Variants in CSMD1 observed in about 807,000 individuals in gnomAD.
CSMD1 encodes the protein CUB and Sushi multiple domains 1.
A neutral mutation model predicts 417.5 loss-of-function variants in CSMD1; 213 were observed. That is an observed-to-expected ratio of 0.51 (90% CI 0.46 to 0.57). The LOEUF (loss-of-function observed/expected upper bound fraction) is 0.57. Among genes scored for constraint, CSMD1 ranks in the 20% least tolerant of loss-of-function variants. The probability of loss-of-function intolerance (pLI) is 0.00; values close to 1 mark genes in which losing one functional copy is unlikely to be tolerated. For missense variants in CSMD1, 6,923 were observed against 4,529.7 expected, an observed-to-expected ratio of 1.53 and a Z score of -15.17; for synonymous variants, 2,862 against 1,736.8, an observed-to-expected ratio of 1.65 and a Z score of -16.11.
intron 6 of CSMD1, among the ~76,000 whole-genome samples, chr8:3,750,706 G>C (rs1797296119): frequency 6.6e-6 from 1 of 152,112 alleles, no homozygotes; most frequent in South Asian, 2.1e-4. Flanking sequence ...GAACAAACTT[G>C]ATGATCTTAC....
At chr8:4,638,687 T>TTATG (rs1563358494) in intron 1 of CSMD1, among the ~76,000 whole-genome samples, 3 of 152,166 alleles carry the variant, frequency 2.0e-5, no homozygotes, top group Non-Finnish European at 4.4e-5. Flanking sequence ...CAGCAGGACA[T>TTATG]CTCACGTTTT....
intron 29 of CSMD1, among the ~76,000 whole-genome samples, chr8:3,218,576 A>AAAAAAAT (rs1315452559): frequency 2.0e-5 from 3 of 150,788 alleles, no homozygotes; most frequent in Admixed American, 6.6e-5. Context: ...TAAAAAAAAA[A>AAAAAAAT]AGAAATTATT....
At chr8:4,976,797 C>A (rs1469095719) in intron 1 of CSMD1, among the ~76,000 whole-genome samples, 1 of 152,134 alleles carries the variant, frequency 6.6e-6, no homozygotes, top group African/African-American at 2.4e-5. Flanking sequence ...CACATCACTT[C>A]CTCTCACTGA....
intron 40 of CSMD1, among the ~76,000 whole-genome samples, chr8:3,147,257 T>C (rs2129033891): frequency 6.6e-6 from 1 of 152,356 alleles, no homozygotes; most frequent in South Asian, 2.1e-4. Context: ...TGATTTGTCA[T>C]GCTGTTTGTT....
intron 3 of CSMD1, among the ~76,000 whole-genome samples, chr8:4,173,642 T>C (rs1003294855): frequency 1.3e-5 from 2 of 152,144 alleles, no homozygotes; most frequent in African/African-American, 2.4e-5. Context: ...AAACACTGAA[T>C]GCCACTTTTC....
Position 3,196,284 on chromosome 8 carries a change from C to A in CSMD1, c.5194+3430G>T, listed in dbSNP as rs140658423. Among the ~76,000 whole-genome samples the A allele has an allele frequency of 4.5e-3, 685 of 152,298 alleles. 4 individuals carry two copies. The highest frequency in any genetic ancestry group is 0.015 in the African/African-American group (623 of 41,566). ...AAATCCTAGTTAAAGGAATTGTCTACCCCTTTCCCAGAAAACTCACTAATA... is the reference window on the plus strand; with the variant it reads ...AAATCCTAGTTAAAGGAATTGTCTAACCCTTTCCCAGAAAACTCACTAATA... On this transcript the variant is annotated intron_variant, in intron 33 of 69. Coordinates refer to ENST00000635120, the MANE Select transcript of CSMD1 (RefSeq NM_033225.6).
At chr8:4,242,558 G>C (rs1248514672) in intron 3 of CSMD1, among the ~76,000 whole-genome samples, 1 of 152,144 alleles carries the variant, frequency 6.6e-6, no homozygotes, top group African/African-American at 2.4e-5. Context: ...CTAGTAAGTT[G>C]TCTTGAAAAA....
chr8:3,444,509 C>T (rs1297329462), intron 12 of CSMD1, among the ~76,000 whole-genome samples: 1 of 152,128 alleles, frequency 6.6e-6, no homozygotes, highest in Non-Finnish European at 1.5e-5. Context: ...TCTCTCCCCT[C>T]ATTGGGACAT....
At chr8:4,829,858 G>C (rs897991886) in intron 1 of CSMD1, among the ~76,000 whole-genome samples, 8 of 152,242 alleles carry the variant, frequency 5.3e-5, no homozygotes, top group Admixed American at 1.3e-4. Flanking sequence ...CAAGGGGCTG[G>C]TCAGAGTGGT....
chr8:3,955,165 C>T (rs1247729255), intron 5 of CSMD1, among the ~76,000 whole-genome samples: 2 of 152,156 alleles, frequency 1.3e-5, no homozygotes, highest in Non-Finnish European at 2.9e-5. Context: ...ACTGACTGTC[C>T]TCCTGTCCTC....
intron 2 of CSMD1, among the ~76,000 whole-genome samples, chr8:4,560,947 A>G (rs1187839439): frequency 1.3e-5 from 2 of 152,310 alleles, no homozygotes; most frequent in African/African-American, 4.8e-5. Flanking sequence ...TACATTTTCT[A>G]TGGACAAAGA....
At chr8:3,848,087 C>CTCTT (rs35963680) in intron 5 of CSMD1, among the ~76,000 whole-genome samples, 5 of 149,512 alleles carry the variant, frequency 3.3e-5, no homozygotes, top group Non-Finnish European at 3.0e-5. Flanking sequence ...CTCTCTCTCT[C>CTCTT]TCTAAATATA....
Position 3,961,716 on chromosome 8 carries a change from T to C in CSMD1, c.818+36187A>G, listed in dbSNP as rs150008842. 6.4e-4 allele frequency among the ~76,000 whole-genome samples: 98 copies of C among 152,344 alleles called. 1 individual carries two copies. The East Asian group carries it at 0.015, about 23-fold the overall frequency. On this transcript the variant is annotated intron_variant, in intron 5 of 69. Transcript: ENST00000635120. ...AAGAAAAAGATTGCTGCGATACTCA[T>C]GGGAGCATTTCCTGCGTATGTAGTA...
chr8:4,658,914 G>A (rs1014528625), intron 1 of CSMD1, among the ~76,000 whole-genome samples: 21 of 152,172 alleles, frequency 1.4e-4, no homozygotes, highest in Middle Eastern at 3.4e-3. Flanking sequence ...TTGAAAATAC[G>A]TTGATATTAA....
intron 10 of CSMD1, among the ~76,000 whole-genome samples, chr8:3,531,968 T>C (rs1313945678): frequency 6.6e-6 from 1 of 152,162 alleles, no homozygotes; most frequent in Non-Finnish European, 1.5e-5. Context: ...AATAAAAGAC[T>C]GGAATGGGGG....
At chr8:4,281,104 A>T (rs62478566) in intron 3 of CSMD1, among the ~76,000 whole-genome samples, 1 of 152,116 alleles carries the variant, frequency 6.6e-6, no homozygotes, top group African/African-American at 2.4e-5. Flanking sequence ...CCAGGATGGT[A>T]TGAGGCCTCT....
intron 3 of CSMD1, among the ~76,000 whole-genome samples, chr8:4,053,065 G>A (rs1041487787): frequency 1.3e-5 from 2 of 152,296 alleles, no homozygotes; most frequent in South Asian, 2.1e-4. Flanking sequence ...TTGGGAGGCT[G>A]TGTGCTGAAA....
chr8:3,787,947 C>A (rs564221557), intron 5 of CSMD1, among the ~76,000 whole-genome samples: 2 of 152,230 alleles, frequency 1.3e-5, no homozygotes, highest in South Asian at 2.1e-4. Flanking sequence ...GGGCAGAAAT[C>A]CTTGCATGGG....
intron 5 of CSMD1, among the ~76,000 whole-genome samples, chr8:3,949,496 T>C (rs916521075): frequency 6.6e-6 from 1 of 152,156 alleles, no homozygotes; most frequent in Non-Finnish European, 1.5e-5. Flanking sequence ...TAAAAGGTTA[T>C]TATTACACTG....
Sources: allele counts gnomAD v4.1 joint callset (sites outside exome capture counted in the v4.1 genomes callset), GRCh38; gene constraint gnomAD v4.1.1; transcripts MANE v1.5; gene names NCBI Gene and HGNC (gene_info 2026-07-23, HGNC 2026-07-21).